Variants in CNTNAP5 observed in about 807,000 individuals in gnomAD.
The protein encoded by CNTNAP5 is contactin associated protein family member 5.
In CNTNAP5, 72 loss-of-function variants were observed where a neutral mutation model predicts 150.2. The ratio of observed to expected loss-of-function variants is 0.48; its 90% confidence interval spans 0.40 to 0.58. The LOEUF is 0.58. CNTNAP5 is among the 20% of genes least tolerant of loss of function. The pLI is 0.00. For synonymous variants in CNTNAP5, 672 were observed against 619.8 expected, an observed-to-expected ratio of 1.08 and a Z score of -1.25; for missense variants, 1,636 against 1,626.2, an observed-to-expected ratio of 1.01 and a Z score of -0.10.
chr2:124,389,003 C>T (rs758817664), intron 3 of CNTNAP5, among the ~76,000 whole-genome samples: 36 of 152,086 alleles, frequency 2.4e-4, no homozygotes, highest in Non-Finnish European at 3.7e-4. Flanking sequence ...AGCGGCTGAA[C>T]GATGTCAACA....
At chr2:124,406,282 C>A (rs1691568609) in intron 3 of CNTNAP5, among the ~76,000 whole-genome samples, 1 of 152,162 alleles carries the variant, frequency 6.6e-6, no homozygotes, top group African/African-American at 2.4e-5. Context: ...AATGTATAAT[C>A]TGTAGTTGTT....
intron 1 of CNTNAP5, among the ~76,000 whole-genome samples, chr2:124,096,650 T>C (rs1682940333): frequency 6.6e-6 from 1 of 152,052 alleles, no homozygotes. Context: ...TCTGGGAAAA[T>C]TGTTTTCCTC....
At chr2:124,380,889 A>G (rs1375018426) in intron 3 of CNTNAP5, among the ~76,000 whole-genome samples, 4 of 152,200 alleles carry the variant, frequency 2.6e-5, no homozygotes, top group African/African-American at 9.6e-5. Flanking sequence ...ATTTTAGATA[A>G]TGATATGTGT....
rs1025693957 is a variant in CNTNAP5 at position 124,139,888 on chromosome 2, G to A, written c.83-81817G>A. Among the ~76,000 whole-genome samples, 8 of 152,278 alleles carry A rather than the reference G, an allele frequency of 5.3e-5. No homozygotes were observed. In the East Asian group the frequency reaches 7.8e-4, roughly 15 times the overall value. On this transcript the variant is annotated intron_variant, in intron 1 of 23. Transcript: ENST00000682447. ...TTCCATCTGAGGTACCGGGTTCATC[G>A]CACTAGGGAGTGCCAGACAGTGGGC...
chr2:124,401,969 C>T (rs1364603139), intron 3 of CNTNAP5, among the ~76,000 whole-genome samples: 2 of 152,152 alleles, frequency 1.3e-5, no homozygotes, highest in Non-Finnish European at 2.9e-5. Flanking sequence ...TACTGAGTAA[C>T]TTCTGCTGAC....
intron 1 of CNTNAP5, among the ~76,000 whole-genome samples, chr2:124,199,749 C>T (rs1685674716): frequency 6.6e-6 from 1 of 152,106 alleles, no homozygotes; most frequent in Non-Finnish European, 1.5e-5. Context: ...CCATGAATTT[C>T]CCTTTTTAAA....
In CNTNAP5 at chr2:124,391,138, A is replaced by AAAAT. The variant is rs757635845; in HGVS notation, c.382-26303_382-26300dup. ...TCTTCATCTATGAGATGGGTATAAT[A>AAAAT]AAATATACCTCACAGAGACTGTCTA... On this transcript the variant is annotated intron_variant, in intron 3 of 23. Transcript: ENST00000682447. 4.6e-5 allele frequency among the ~76,000 whole-genome samples: 7 copies of AAAAT among 152,346 alleles called. No homozygotes were observed. The East Asian group carries it at 9.7e-4, about 21-fold the overall frequency.
chr2:124,483,845 G>T (rs1049634600), intron 7 of CNTNAP5, among the ~76,000 whole-genome samples: 1 of 152,236 alleles, frequency 6.6e-6, no homozygotes, highest in Non-Finnish European at 1.5e-5. Context: ...AGAACTCAGA[G>T]TTCACAGCAG....
chr2:124,325,127 T>G (rs1010247503), intron 3 of CNTNAP5, among the ~76,000 whole-genome samples: 5 of 152,160 alleles, frequency 3.3e-5, no homozygotes, highest in African/African-American at 1.2e-4. Flanking sequence ...GGTGAAGCCT[T>G]CATGAATGGG....
At chr2:124,220,156 AT>A (rs746088850) in intron 1 of CNTNAP5, among the ~76,000 whole-genome samples, 18 of 152,086 alleles carry the variant, frequency 1.2e-4, no homozygotes, top group Middle Eastern at 3.4e-3. Flanking sequence ...AAAAAAAAAA[AT>A]AAATCAAACC....
chr2:124,242,168 ACTCT>A (rs1480224168), intron 2 of CNTNAP5, 28 bp from the exon 3 acceptor site: 12 of 1,520,176 alleles, frequency 7.9e-6, no homozygotes, highest in Admixed American at 2.0e-5. Context: ...CATTACTACA[ACTCT>A]CTCTCACTCT....
At chr2:124,793,149 C>G (rs558363496) in intron 18 of CNTNAP5, among the ~76,000 whole-genome samples, 5 of 152,124 alleles carry the variant, frequency 3.3e-5, no homozygotes, top group Non-Finnish European at 5.9e-5. Context: ...ACATTCTCAC[C>G]GGCAGTGAAT....
chr2:124,398,513 T>TTATTTATTTATTTTC (rs2104755851), intron 3 of CNTNAP5, among the ~76,000 whole-genome samples: 1 of 152,182 alleles, frequency 6.6e-6, no homozygotes, highest in Admixed American at 6.5e-5. Flanking sequence ...TATTTATTTT[T>TTATTTATTTATTTTC]GAGATGAAGT....
intron 13 of CNTNAP5, among the ~76,000 whole-genome samples, chr2:124,651,354 T>C (rs1573523345): frequency 6.6e-6 from 1 of 152,184 alleles, no homozygotes; most frequent in Non-Finnish European, 1.5e-5. Context: ...AATAAATGGA[T>C]ACAATATAAG....
chr2:124,115,246 G>A (rs1389377830), intron 1 of CNTNAP5, among the ~76,000 whole-genome samples: 1 of 152,084 alleles, frequency 6.6e-6, no homozygotes, highest in Non-Finnish European at 1.5e-5. Context: ...TCATAACTAA[G>A]TTGGCTAACA....
At chr2:124,242,543 A>G in intron 3 of CNTNAP5, 150 bp downstream of exon 3, 1 of 713,728 alleles carries the variant, frequency 1.4e-6, no homozygotes, top group East Asian at 2.7e-5. Context: ...TTTAAGGCCC[A>G]TGCCCGGCAT....
intron 12 of CNTNAP5, among the ~76,000 whole-genome samples, chr2:124,613,598 C>T (rs1031500429): frequency 9.2e-5 from 14 of 152,156 alleles, no homozygotes; most frequent in African/African-American, 3.1e-4. Flanking sequence ...GACAGGTTTC[C>T]ATTGTAGAAA....
intron 3 of CNTNAP5, among the ~76,000 whole-genome samples, chr2:124,303,026 C>A (rs1558841373): frequency 6.6e-6 from 1 of 152,144 alleles, no homozygotes. Flanking sequence ...GACAAACCCA[C>A]CTTCCTGTTG....
chr2:124,762,776 GTC>G (rs147412308), intron 14 of CNTNAP5, among the ~76,000 whole-genome samples: 43 of 152,178 alleles, frequency 2.8e-4, no homozygotes, highest in Admixed American at 9.8e-4. Context: ...CATTGTCCCT[GTC>G]TCTTCTGTGG....
Sources: gnomAD v4.1 joint callset for allele counts (sites outside exome capture counted in the v4.1 genomes callset) on GRCh38, gnomAD v4.1.1 for gene constraint, MANE v1.5 for transcripts, NCBI Gene and HGNC (gene_info 2026-07-23, HGNC 2026-07-21) for gene names.